Variants in MTRES1 observed in about 807,000 individuals in gnomAD.
The protein encoded by MTRES1 is mitochondrial transcription rescue factor 1, also known as uncharacterized protein C6orf203.
In MTRES1, 11 loss-of-function variants were observed where a neutral mutation model predicts 17.4. That is an observed-to-expected ratio of 0.63 (90% confidence interval 0.40 to 1.05). The LOEUF (loss-of-function observed/expected upper bound fraction) is 1.05. Among genes scored for constraint, MTRES1 ranks in the 50% least tolerant of loss-of-function variants. The pLI, the probability that MTRES1 is intolerant of heterozygous loss-of-function variation, is 0.00. For synonymous variants in MTRES1, 94 were observed against 99.6 expected (o/e 0.94, Z 0.34); for missense variants, 268 against 276.2 (o/e 0.97, Z 0.21).
chr6:107,044,231 G>C (rs1488506126), intron 2 of MTRES1, 29 bp from the exon 3 acceptor site: 2 of 1,591,890 alleles, frequency 1.3e-6, no homozygotes, highest in African/African-American at 2.7e-5. Context: ...CCCAAATTGT[G>C]TACATTGTTG....
At chr6:107,038,250 A>G (rs550615619) in intron 1 of MTRES1, among the ~76,000 whole-genome samples, 1 of 152,312 alleles carries the variant, frequency 6.6e-6, no homozygotes, top group South Asian at 2.1e-4. Context: ...AGAGGTATCA[A>G]TCCTAAGGTA....
At chr6:107,040,385 G>A in intron 2 of MTRES1, 155 bp downstream of exon 2, 1 of 571,236 alleles carries the variant, frequency 1.8e-6, no homozygotes, top group Non-Finnish European at 2.8e-6. Context: ...TTATAGATGA[G>A]CAAACTGATT....
At chr6:107,043,764 G>C (rs183856383) in intron 2 of MTRES1, among the ~76,000 whole-genome samples, 6 of 152,146 alleles carry the variant, frequency 3.9e-5, no homozygotes, top group Non-Finnish European at 8.8e-5. Flanking sequence ...GTTTGGACCC[G>C]TGCTGGCCAA....
chr6:107,046,771 G>A (rs1774403570), intron 3 of MTRES1, among the ~76,000 whole-genome samples: 2 of 152,184 alleles, frequency 1.3e-5, no homozygotes, highest in Admixed American at 6.6e-5. Context: ...GAAGCCCAGG[G>A]TGTGGTAGGT....
At chr6:107,050,906 G>C in intron 3 of MTRES1, 151 bp from the exon 4 acceptor site, 1 of 651,582 alleles carries the variant, frequency 1.5e-6, no homozygotes, top group Non-Finnish European at 2.7e-6. Context: ...CTGAGGCACT[G>C]GGATAGGTGA....
In MTRES1 at chr6:107,051,479, AC is replaced by A. The variant is rs1554229257; in HGVS notation, c.*244del. On this transcript the variant is annotated 3_prime_UTR_variant, in exon 4 of 4. Coordinates refer to ENST00000311381, the MANE Select transcript of MTRES1 (RefSeq NM_016487.5). ...GTGAGAACCCCTTTGCCAGAGTGAG[AC>A]GTGTGCAGAATGAACTAAGCCCCAG... is the stretch of plus-strand genomic sequence containing the variant. The A allele has an allele frequency of 2.3e-6, 1 of 430,924 alleles. No homozygotes were observed. Among genetic ancestry groups the A allele is most frequent in the Non-Finnish European group, 4.2e-6 (1 of 239,626 alleles). The allele number at this position is 430,924 out of a possible 1,614,324, so 26.7% of individuals were successfully genotyped here.
intron 3 of MTRES1, among the ~76,000 whole-genome samples, chr6:107,048,216 C>T (rs551994822): frequency 6.5e-4 from 99 of 152,098 alleles, no homozygotes; most frequent in African/African-American, 2.2e-3. Flanking sequence ...CTCACTGCAA[C>T]CTCTGCCTCC....
At chr6:107,032,579 C>G (rs2783032) in intron 1 of MTRES1, among the ~76,000 whole-genome samples, 2 of 152,018 alleles carry the variant, frequency 1.3e-5, no homozygotes, top group African/African-American at 4.8e-5. Flanking sequence ...GGCGTGGTGC[C>G]GTGTGCCTGT....
intron 3 of MTRES1, among the ~76,000 whole-genome samples, chr6:107,046,930 TTG>T (rs67662472): frequency 0.026 from 861 of 32,964 alleles, 6 homozygotes; most frequent in African/African-American, 0.047. Flanking sequence ...GGATTCATTC[TTG>T]TGTGTGTGTG....
intron 3 of MTRES1, among the ~76,000 whole-genome samples, chr6:107,048,409 T>C (rs9384640): frequency 0.94 from 142,722 of 151,826 alleles, 67,374 homozygotes; most frequent in East Asian, 1. Flanking sequence ...GGATTACAGG[T>C]GTGAGCCACC....
chr6:107,051,344 C>A lies in MTRES1; in HGVS notation c.*108C>A. On this transcript the variant is annotated 3_prime_UTR_variant, in exon 4 of 4. Transcript: ENST00000311381. ...AAAGTTCTCTTAGCGTTTGTGGAATCTGCCGAGCCATTTTGTGGAAATTGG... is the reference window on the plus strand; with the variant it reads ...AAAGTTCTCTTAGCGTTTGTGGAATATGCCGAGCCATTTTGTGGAAATTGG... The A allele has an allele frequency of 9.8e-7, 1 of 1,016,992 alleles. No homozygotes were observed. Among genetic ancestry groups the A allele is most frequent in the Non-Finnish European group, 1.4e-6 (1 of 709,566 alleles). 63.0% of individuals were successfully genotyped at this position (1,016,992 alleles called of 1,614,324 possible). A position where few individuals can be genotyped will look rare whatever the true frequency, so the allele number is the denominator to read the frequency against.
In MTRES1 at chr6:107,051,409, T is replaced by A. The variant is rs999075691; in HGVS notation, c.*173T>A. Reference sequence around the variant, plus strand: ...GACACTTCCCAAGGCCTGCCTCACCTCCACCCCCTGCCCACCTTGATCCAT... The same window carrying A: ...GACACTTCCCAAGGCCTGCCTCACCACCACCCCCTGCCCACCTTGATCCAT... On this transcript the variant is annotated 3_prime_UTR_variant, in exon 4 of 4. Coordinates refer to ENST00000311381, the MANE Select transcript of MTRES1 (RefSeq NM_016487.5). 3.5e-6 allele frequency: 2 copies of A among 568,504 alleles called. No homozygotes were observed. The highest frequency in any genetic ancestry group is 6.1e-6 in the Non-Finnish European group (2 of 327,842). 35.2% of individuals were successfully genotyped at this position (568,504 alleles called of 1,614,324 possible).
intron 3 of MTRES1, among the ~76,000 whole-genome samples, chr6:107,049,786 ATC>A (rs1554228932): frequency 1.4e-5 from 2 of 142,542 alleles, no homozygotes; most frequent in African/African-American, 5.3e-5. Flanking sequence ...CAATGGCGCC[ATC>A]TTGGTTCACC....
Position 107,040,569 on chromosome 6 carries a change from A to G in MTRES1, c.470+339A>G, listed in dbSNP as rs1774166332. ...TGTACCTGGATATTTCACAAATGCTATAATGTGAGACGGTACCTCAGCTGG... is the reference window on the plus strand; with the variant it reads ...TGTACCTGGATATTTCACAAATGCTGTAATGTGAGACGGTACCTCAGCTGG... On this transcript the variant is annotated intron_variant, in intron 2 of 3. Transcript: ENST00000311381. The G allele has an allele frequency of 1.5e-5, 3 of 197,134 alleles. No homozygotes were observed. The East Asian group carries it at 4.6e-4, about 30-fold the overall frequency. 12.2% of individuals were successfully genotyped at this position (197,134 alleles called of 1,614,324 possible).
intron 1 of MTRES1, 117 bp from the exon 2 acceptor site, chr6:107,039,632 T>C (rs1774122427): frequency 8.7e-7 from 1 of 1,148,226 alleles, no homozygotes; most frequent in South Asian, 1.7e-5. Context: ...ATAGGACTTT[T>C]TAGGGGCGAA....
chr6:107,045,657 T>C (rs1489913150), intron 3 of MTRES1, among the ~76,000 whole-genome samples: 3 of 152,180 alleles, frequency 2.0e-5, no homozygotes, highest in Non-Finnish European at 2.9e-5. Flanking sequence ...CATGAGTATG[T>C]ATCACTTTCA....
intron 3 of MTRES1, among the ~76,000 whole-genome samples, chr6:107,049,646 C>G (rs1554228898): frequency 1.3e-5 from 2 of 151,490 alleles, no homozygotes; most frequent in East Asian, 3.9e-4. Flanking sequence ...ATCTCCTGAC[C>G]TTATGATCTG....
At position 107,029,656 on chromosome 6, in the gene MTRES1, G is replaced by A. The variant is rs146410872; in HGVS notation, c.-13+1385G>A. On this transcript the variant is annotated intron_variant, in intron 1 of 3. Transcript: ENST00000311381. ...GCACCACCACGCTTGGCTAATTTTT[G>A]TATTTTTAGTAGAGACGAGGTTTCA... Among the ~76,000 whole-genome samples the A allele has an allele frequency of 6.9e-3, 1,040 of 151,592 alleles. 15 individuals carry two copies. The highest frequency in any genetic ancestry group is 0.024 in the African/African-American group (998 of 41,242).
rs782701487 is a variant in MTRES1 at position 107,039,759 on chromosome 6, C to A, written c.-2C>A. The A allele has an allele frequency of 1.3e-6, 2 of 1,591,588 alleles. No individual in the cohort carries two copies. The highest frequency in any genetic ancestry group is 2.7e-5 in the African/African-American group (2 of 73,452). On this transcript the variant is annotated 5_prime_UTR_variant, in exon 2 of 4. Transcript: ENST00000311381. ...TATTATCTGTTTCAGATTATAAGCG[C>A]CATGGCTATGGCTAGTGTTAAATTG... is the stretch of plus-strand genomic sequence containing the variant.
Sources: gnomAD v4.1 joint callset for allele counts (sites outside exome capture counted in the v4.1 genomes callset) on GRCh38, gnomAD v4.1.1 for gene constraint, MANE v1.5 for transcripts, NCBI Gene and HGNC (gene_info 2026-07-23, HGNC 2026-07-21) for gene names.